The following KRT74 variants were observed in gnomAD, a reference collection of about 807,000 sequenced individuals.
The protein encoded by KRT74 is keratin 74.
KRT74 carries 43 observed loss-of-function variants against 42.7 expected under a neutral mutation model. That is an observed-to-expected ratio of 1.01 (90% CI 0.79 to 1.30). KRT74 has a LOEUF of 1.30. Among genes scored for constraint, KRT74 ranks in the 50% most tolerant of loss-of-function variants. The pLI is 0.00. For missense variants in KRT74, 736 were observed against 689.1 expected (o/e 1.07, Z -0.76); for synonymous variants, 302 against 279.0 (o/e 1.08, Z -0.82).
intron 5 of KRT74, 138 bp downstream of exon 5, chr12:52,570,531 C>T: frequency 2.3e-6 from 2 of 880,024 alleles, no homozygotes; most frequent in African/African-American, 1.7e-5. Flanking sequence ...GCTAAGAATT[C>T]CTTTTTTCCT....
At chr12:52,570,977 G>T in intron 4 of KRT74, 144 bp from the exon 5 acceptor site, 2 of 948,880 alleles carry the variant, frequency 2.1e-6, no homozygotes, top group Non-Finnish European at 3.3e-6. Context: ...CCTCTGGGAT[G>T]TGTCTGCAGA....
rs1939520477 is a variant in KRT74 at position 52,573,293 on chromosome 12, C to T, written c.471+14G>A. ...CCTCAGGGTGCGGCCTCATCCTCCT[C>T]CTATGAGACCCACCTTGTCAATGAA... On this transcript the variant is annotated intron_variant, in intron 1 of 8. Coordinates refer to ENST00000305620, the MANE Select transcript of KRT74 (RefSeq NM_175053.4). 6.2e-7 allele frequency: 1 copy of T among 1,612,052 alleles called. No individual in the cohort carries two copies.
Position 52,571,664 on chromosome 12 carries a change from A to G in KRT74, c.748-210T>C, listed in dbSNP as rs61927455. ...GTTATGCCTGGAGAAAACAAAGCCC[A>G]GAGAGGTAGTAGGTTTCCTCAGGTC... On this transcript the variant is annotated intron_variant, in intron 3 of 8. Coordinates refer to ENST00000305620, the MANE Select transcript of KRT74 (RefSeq NM_175053.4). 0.41 allele frequency among the ~76,000 whole-genome samples: 62,636 copies of G among 152,106 alleles called. 13,330 individuals are homozygous for G. Among genetic ancestry groups the G allele is most frequent in the South Asian group, 0.49 (2,377 of 4,820 alleles).
chr12:52,572,057 C>T (rs1939493945), intron 2 of KRT74, 53 bp from the exon 3 acceptor site: 3 of 1,337,904 alleles, frequency 2.2e-6, no homozygotes, highest in Admixed American at 3.3e-5. Flanking sequence ...GGAACTTTCT[C>T]TTCCTGCTGG....
In KRT74 at chr12:52,567,004, G is replaced by C. The variant is rs760055005; in HGVS notation, c.1555C>G (p.Pro519Ala). The C allele has an allele frequency of 6.2e-7, 1 of 1,608,574 alleles. No homozygotes were observed. Among genetic ancestry groups the C allele is most frequent in the Non-Finnish European group, 8.5e-7 (1 of 1,176,404 alleles). ...DLKDTQGKST[P>A]ASIPARKATR Reference sequence around the variant, plus strand: ...GCTTTCCTTGCTGGGATGCTGGCTGGGGTGCTCTTGCCCTGGGTGTCCTTG... The same window carrying C: ...GCTTTCCTTGCTGGGATGCTGGCTGCGGTGCTCTTGCCCTGGGTGTCCTTG... Residue 519 changes from proline to alanine, a missense_variant, in exon 9 of 9, where the codon CCA (proline) becomes GCA (alanine). Coordinates refer to ENST00000305620, the MANE Select transcript of KRT74 (RefSeq NM_175053.4).
Position 52,572,372 on chromosome 12 carries a change from TA to T in KRT74, c.686+80del, listed in dbSNP as rs1368066279. ...CCCTGGTGCATACTCCCCCATCTCC[TA>T]AAAAATAATGGCACAGAGATCAGGT... On this transcript the variant is annotated intron_variant, in intron 2 of 8. Transcript: ENST00000305620. 24 of 1,485,110 alleles carry T rather than the reference TA, an allele frequency of 1.6e-5. No homozygotes were observed. The East Asian group carries it at 4.5e-4, about 28-fold the overall frequency. 92.0% of individuals were successfully genotyped at this position (1,485,110 alleles called of 1,614,324 possible). A position where few individuals can be genotyped will look rare whatever the true frequency, so the allele number is the denominator to read the frequency against.
At chr12:52,573,281 C>T in intron 1 of KRT74, 26 bp downstream of exon 1, 1 of 1,603,684 alleles carries the variant, frequency 6.2e-7, no homozygotes, top group Non-Finnish European at 8.5e-7. Context: ...CAGGGTGCGG[C>T]CTCATCCTCC....
At chr12:52,570,630 C>G (rs769179037) in intron 5 of KRT74, 39 bp downstream of exon 5, 7 of 1,610,746 alleles carry the variant, frequency 4.3e-6, no homozygotes, top group Non-Finnish European at 5.9e-6. Context: ...TCCCAGGAAG[C>G]GAAGGGCTGC....
At chr12:52,572,256 C>G (rs1466600445) in intron 2 of KRT74, among the ~76,000 whole-genome samples, 197 bp downstream of exon 2, 1 of 152,180 alleles carries the variant, frequency 6.6e-6, no homozygotes, top group Non-Finnish European at 1.5e-5. Flanking sequence ...TCAAGGAGCA[C>G]AGGAACCGCT....
Position 52,570,827 on chromosome 12 carries a change from C to A in KRT74, c.850G>T (p.Ala284Ser). The change falls in exon 5 of 9, where the codon GCT (alanine) becomes TCT (serine). Residue 284 changes from alanine (A) to serine (S), a missense_variant. By Grantham distance (99) the Ala-to-Ser change is moderately conservative. Coordinates refer to ENST00000305620, the MANE Select transcript of KRT74 (RefSeq NM_175053.4). ...FLKCLYDAEI[A>S]QIQTHASETS... ...TCACTGGCGTGAGTCTGGATCTGAGCGATCTCCTGCATTGAGAGAGGAAGA... is the reference window on the plus strand; with the variant it reads ...TCACTGGCGTGAGTCTGGATCTGAGAGATCTCCTGCATTGAGAGAGGAAGA... The A allele has an allele frequency of 6.8e-6, 11 of 1,614,230 alleles. No homozygotes were observed. Among genetic ancestry groups the A allele is most frequent in the Middle Eastern group, 1.6e-4 (1 of 6,062 alleles).
intron 2 of KRT74, 51 bp downstream of exon 2, chr12:52,572,402 C>T (rs1939500284): frequency 3.8e-6 from 6 of 1,594,298 alleles, no homozygotes; most frequent in Non-Finnish European, 4.3e-6. Flanking sequence ...ATCAGGTGAG[C>T]CCAGAGGCAC....
chr12:52,567,136 G>A lies in KRT74; in HGVS notation c.1423C>T (p.His475Tyr), dbSNP rs746035891. 3 of 1,605,232 alleles carry A rather than the reference G, an allele frequency of 1.9e-6. No individual in the cohort carries two copies. In the South Asian group the frequency reaches 3.3e-5, roughly 18 times the overall value. ...AGGTCAACACCCGCAGAGCTGGGGT[G>A]GTGGTAGCTGTAGCTGCTACTGCTG... is the stretch of plus-strand genomic sequence containing the variant. ...VISSSSYSYH[H>Y]PSSAGVDLGA... The change falls in exon 9 of 9, where the codon CAC becomes TAC. Residue 475 changes from histidine to tyrosine, a missense_variant. Transcript: ENST00000305620.
In KRT74 at chr12:52,571,342, G is replaced by A. The variant is rs773089023; in HGVS notation, c.843+17C>T. ...GAAGGAGGCAGGGTGAGGGTGGGGGGACAGGAGTGTCCTTACTGCATCATA... is the reference window on the plus strand; with the variant it reads ...GAAGGAGGCAGGGTGAGGGTGGGGGAACAGGAGTGTCCTTACTGCATCATA... On this transcript the variant is annotated intron_variant, in intron 4 of 8. Transcript: ENST00000305620. 4.7e-6 allele frequency: 7 copies of A among 1,473,762 alleles called. No individual in the cohort carries two copies. The East Asian group carries it at 9.0e-5, about 19-fold the overall frequency. The allele number at this position is 1,473,762 out of a possible 1,614,324, so 91.3% of individuals were successfully genotyped here. A position where few individuals can be genotyped will look rare whatever the true frequency, so the allele number is the denominator to read the frequency against.
chr12:52,570,520 T>G (rs1939459913), intron 5 of KRT74, 149 bp downstream of exon 5: 2 of 793,370 alleles, frequency 2.5e-6, no homozygotes, highest in Non-Finnish European at 4.1e-6. Context: ...TAACAAGCTC[T>G]GCTAAGAATT....
At chr12:52,568,568 C>A (rs1220376279) in intron 6 of KRT74, 179 bp from the exon 7 acceptor site, 11 of 677,158 alleles carry the variant, frequency 1.6e-5, no homozygotes, top group Non-Finnish European at 2.8e-5. Flanking sequence ...GTATTCAAAG[C>A]TGTTATCACA....
chr12:52,571,730 A>C (rs1939485391), intron 3 of KRT74, among the ~76,000 whole-genome samples: 2 of 152,184 alleles, frequency 1.3e-5, no homozygotes, highest in African/African-American at 2.4e-5. Context: ...CACAGTTCCC[A>C]GACCAGAATT....
chr12:52,568,767 G>A (rs980707818), intron 6 of KRT74, among the ~76,000 whole-genome samples: 1 of 152,250 alleles, frequency 6.6e-6, no homozygotes, highest in African/African-American at 2.4e-5. Flanking sequence ...CGGTCCCACT[G>A]TGATCAGATT....
intron 6 of KRT74, among the ~76,000 whole-genome samples, chr12:52,568,996 G>C (rs146610309): frequency 6.6e-5 from 10 of 152,366 alleles, no homozygotes; most frequent in African/African-American, 2.4e-4. Flanking sequence ...TGCTAACAGA[G>C]AGGGAGGAAC....
At position 52,573,376 on chromosome 12, in the gene KRT74, C is replaced by T. The variant is rs1031206229; in HGVS notation, c.402G>A (p.Gln134=). 5 of 1,614,120 alleles carry T rather than the reference C, an allele frequency of 3.1e-6. No individual in the cohort carries two copies. Among genetic ancestry groups the T allele is most frequent in the Non-Finnish European group, 1.7e-6 (2 of 1,180,044 alleles). Residue 134 remains glutamine (Q), a synonymous_variant, in exon 1 of 9, where the codon CAG becomes CAA. Coordinates refer to ENST00000305620, the MANE Select transcript of KRT74 (RefSeq NM_175053.4). The stretch of plus-strand genomic sequence containing the variant: ...GTTCCCGCTCCTGGGCGCGCACCTT[C>T]TGGATCTCAGGGTCCAGCTCCACGT... ...PLNVELDPEI[Q]KVRAQEREQI...
Sources: gnomAD v4.1 joint callset for allele counts (sites outside exome capture counted in the v4.1 genomes callset) on GRCh38, gnomAD v4.1.1 for gene constraint, MANE v1.5 for transcripts, NCBI Gene and HGNC (gene_info 2026-07-23, HGNC 2026-07-21) for gene names.